Variants in HDAC11 observed in about 807,000 individuals in gnomAD.
HDAC11 encodes histone deacetylase 11.
In HDAC11, 23 loss-of-function variants were observed where a neutral mutation model predicts 41.1. The ratio of observed to expected loss-of-function variants is 0.56; its 90% CI spans 0.40 to 0.79. The LOEUF (loss-of-function observed/expected upper bound fraction) is 0.79. HDAC11 is among the 30% of genes least tolerant of loss of function. The probability of loss-of-function intolerance (pLI) is 0.00; values close to 1 mark genes in which losing one functional copy is unlikely to be tolerated. For missense variants in HDAC11, 402 were observed against 477.3 expected (o/e 0.84, Z 1.47); for synonymous variants, 187 against 186.6 (o/e 1.00, Z -0.02).
In HDAC11 at chr3:13,481,839, G is replaced by A. The variant is rs994198335; in HGVS notation, c.151+445G>A. ...CAGTCCAGTCCTCACAGCAGCCCTCGGGGTAGGCACCACAATCGCAGCAGA... is the reference window on the plus strand; with the variant it reads ...CAGTCCAGTCCTCACAGCAGCCCTCAGGGTAGGCACCACAATCGCAGCAGA... On this transcript the variant is annotated intron_variant, in intron 2 of 9. Transcript: ENST00000295757. Among the ~76,000 whole-genome samples, 45 of 152,290 alleles carry A rather than the reference G, an allele frequency of 3.0e-4. 1 individual carries two copies. In the Middle Eastern group the frequency reaches 0.01, roughly 35 times the overall value.
In HDAC11 at chr3:13,480,629, G is replaced by A; in HGVS notation, c.2+280G>A. The A allele has an allele frequency of 2.5e-6, 1 of 403,070 alleles. No individual in the cohort carries two copies. Among genetic ancestry groups the A allele is most frequent in the Non-Finnish European group, 5.0e-6 (1 of 201,396 alleles). The allele number at this position is 403,070 out of a possible 1,614,324, so 25.0% of individuals were successfully genotyped here. A position where few individuals can be genotyped will look rare whatever the true frequency, so the allele number is the denominator to read the frequency against. On this transcript the variant is annotated intron_variant, in intron 1 of 9. Coordinates refer to ENST00000295757, the MANE Select transcript of HDAC11 (RefSeq NM_024827.4). The surrounding 1 kb of genome is among the most constrained non-coding windows in gnomAD (Gnocchi z 4.6). ...TGTGCGCGGGTCTGACGTCTGCGCT[G>A]CCCAGCCCCCTGGCTACGCGGACGC...
At chr3:13,503,065 C>A in intron 8 of HDAC11, 85 bp downstream of exon 8, 2 of 979,062 alleles carry the variant, frequency 2.0e-6, no homozygotes, top group Non-Finnish European at 3.2e-6. Flanking sequence ...CTAGGCCCTG[C>A]AGAAGCCACT....
chr3:13,484,681 C>G (rs557077794), intron 3 of HDAC11, among the ~76,000 whole-genome samples: 6 of 152,322 alleles, frequency 3.9e-5, no homozygotes, highest in Non-Finnish European at 7.3e-5. Flanking sequence ...GGTGAGCCAC[C>G]ACACCCGGCC....
Position 13,496,863 on chromosome 3 carries a change from T to TGGGGG in HDAC11, c.369+14_369+18dup. ...GGAGGAACCATAATGGTAGGTGGGGTGGGGGGGCATGGCTGGGCTGGGGGC... is the reference window on the plus strand; with the variant it reads ...GGAGGAACCATAATGGTAGGTGGGGTGGGGGGGGGGGGCATGGCTGGGCTGGGGGC... On this transcript the variant is annotated intron_variant, in intron 4 of 9. Transcript: ENST00000295757. The TGGGGG allele has an allele frequency of 1.6e-5, 17 of 1,079,902 alleles. No individual in the cohort carries two copies. The highest frequency in any genetic ancestry group is 2.3e-5 in the Non-Finnish European group (17 of 736,076). The allele number at this position is 1,079,902 out of a possible 1,614,324, so 66.9% of individuals were successfully genotyped here. A position where few individuals can be genotyped will look rare whatever the true frequency, so the allele number is the denominator to read the frequency against.
In HDAC11 at chr3:13,497,327, C is replaced by T. The variant is rs142229236; in HGVS notation, c.369+475C>T. Among the ~76,000 whole-genome samples the T allele has an allele frequency of 9.1e-3, 1,380 of 152,044 alleles. 8 individuals carry two copies. The highest frequency in any genetic ancestry group is 0.02 in the Middle Eastern group (6 of 294). ...CTGAGTAGCTGGGACTACAGGTGTT[C>T]GCCACCATGCCTGGCTAATTTTTGT... On this transcript the variant is annotated intron_variant, in intron 4 of 9. Transcript: ENST00000295757.
In HDAC11 at chr3:13,496,862, G is replaced by T. The variant is rs748508242; in HGVS notation, c.369+10G>T. ...AGGAGGAACCATAATGGTAGGTGGG[G>T]TGGGGGGGCATGGCTGGGCTGGGGG... On this transcript the variant is annotated intron_variant, in intron 4 of 9. Coordinates refer to ENST00000295757, the MANE Select transcript of HDAC11 (RefSeq NM_024827.4). 6 of 1,488,764 alleles carry T rather than the reference G, an allele frequency of 4.0e-6. No individual in the cohort carries two copies. The highest frequency in any genetic ancestry group is 5.5e-6 in the Non-Finnish European group (6 of 1,088,974). The allele number at this position is 1,488,764 out of a possible 1,614,324, so 92.2% of individuals were successfully genotyped here.
At position 13,481,838 on chromosome 3, in the gene HDAC11, C is replaced by T. The variant is rs2597510; in HGVS notation, c.151+444C>T. ...CCAGTCCAGTCCTCACAGCAGCCCT[C>T]GGGGTAGGCACCACAATCGCAGCAG... On this transcript the variant is annotated intron_variant, in intron 2 of 9. Coordinates refer to ENST00000295757, the MANE Select transcript of HDAC11 (RefSeq NM_024827.4). Among the ~76,000 whole-genome samples, 24 of 152,088 alleles carry T rather than the reference C, an allele frequency of 1.6e-4. No homozygotes were observed. In the South Asian group the frequency reaches 4.1e-3, roughly 26 times the overall value.
chr3:13,503,284 G>A (rs1702458509), intron 8 of HDAC11: 1 of 243,480 alleles, frequency 4.1e-6, no homozygotes, highest in African/African-American at 2.3e-5. Context: ...ATTCACATAG[G>A]CTGGGCGCGG....
chr3:13,504,673 C>T lies in HDAC11; in HGVS notation c.1034C>T (p.Ala345Val). 6.2e-7 allele frequency: 1 copy of T among 1,613,604 alleles called. No homozygotes were observed. The highest frequency in any genetic ancestry group is 8.5e-7 in the Non-Finnish European group (1 of 1,179,860). ...TCAGACACACCGCTGCTTCCCCCTG[C>T]AGTGCCCTGACCCTTGCTGCCCTGC... Reference protein sequence around the residue: ...QNSDTPLLPPAVP With the variant: ...QNSDTPLLPPVVP The change falls in exon 10 of 10, where the codon GCA becomes GTA. Residue 345 changes from alanine (A) to valine (V), a missense_variant. By Grantham distance (64) the Ala-to-Val change is moderately conservative. Coordinates refer to ENST00000295757, the MANE Select transcript of HDAC11 (RefSeq NM_024827.4).
intron 7 of HDAC11, 21 bp downstream of exon 7, chr3:13,501,954 G>A (rs753494269): frequency 1.2e-5 from 20 of 1,605,234 alleles, no homozygotes; most frequent in Non-Finnish European, 1.6e-5. Flanking sequence ...TGCAGGGGCT[G>A]GACTCTTAGG....
At position 13,496,807 on chromosome 3, in the gene HDAC11, G is replaced by C. The variant is rs746054022; in HGVS notation, c.324G>C (p.Arg108Ser). The C allele has an allele frequency of 1.3e-6, 2 of 1,575,846 alleles. No individual in the cohort carries two copies. The highest frequency in any genetic ancestry group is 3.4e-5 in the Admixed American group (2 of 58,072). Residue 108 changes from arginine to serine, a missense_variant, in exon 4 of 10, where the codon AGG (arginine) becomes AGC (serine). By Grantham distance (110) the Arg-to-Ser change is moderately radical. Transcript: ENST00000295757. ...TCCTCCCCAACTTCCTTGTGCAGAG[G>C]AAGGTGCTGAGGCCCCTTCGGACCC... is the stretch of plus-strand genomic sequence containing the variant. Reference protein sequence around the residue: ...VIFLPNFLVQRKVLRPLRTQT... With the variant: ...VIFLPNFLVQSKVLRPLRTQT...
In HDAC11 at chr3:13,483,581, C is replaced by G; in HGVS notation, c.252+17C>G. The stretch of plus-strand genomic sequence containing the variant: ...GAGCTCAAGGTACAGGATGTCGGGC[C>G]TGGGGGGCTGCGGGCCTGGGGCAGG... On this transcript the variant is annotated intron_variant, in intron 3 of 9. Coordinates refer to ENST00000295757, the MANE Select transcript of HDAC11 (RefSeq NM_024827.4). 1 of 1,518,736 alleles carries G rather than the reference C, an allele frequency of 6.6e-7. No homozygotes were observed. The highest frequency in any genetic ancestry group is 9.1e-7 in the Non-Finnish European group (1 of 1,104,698). The allele number at this position is 1,518,736 out of a possible 1,614,324, so 94.1% of individuals were successfully genotyped here.
intron 1 of HDAC11, 159 bp from the exon 2 acceptor site, chr3:13,481,087 C>A: frequency 1.4e-6 from 1 of 735,646 alleles, no homozygotes; most frequent in African/African-American, 1.8e-5. Flanking sequence ...CCGGGAAAGG[C>A]AGCCAGTTTA....
At position 13,502,796 on chromosome 3, in the gene HDAC11, G is replaced by C; in HGVS notation, c.553-88G>C. 3 of 959,728 alleles carry C rather than the reference G, an allele frequency of 3.1e-6. No homozygotes were observed. The highest frequency in any genetic ancestry group is 5.0e-6 in the Non-Finnish European group (3 of 604,322). 59.5% of individuals were successfully genotyped at this position (959,728 alleles called of 1,614,324 possible). A position where few individuals can be genotyped will look rare whatever the true frequency, so the allele number is the denominator to read the frequency against. Reference sequence around the variant, plus strand: ...GCAGGCCGTGCTGCCCTGGCAAATGGGGAGTTTCCTGAGGGGTGGGTGGGT... The same window carrying C: ...GCAGGCCGTGCTGCCCTGGCAAATGCGGAGTTTCCTGAGGGGTGGGTGGGT... On this transcript the variant is annotated intron_variant, in intron 7 of 9. Coordinates refer to ENST00000295757, the MANE Select transcript of HDAC11 (RefSeq NM_024827.4). The surrounding 1 kb of genome is among the most constrained non-coding windows in gnomAD (Gnocchi z 4.1).
intron 2 of HDAC11, among the ~76,000 whole-genome samples, chr3:13,482,222 A>G (rs1195544945): frequency 1.3e-5 from 2 of 152,252 alleles, no homozygotes; most frequent in Non-Finnish European, 2.9e-5. Flanking sequence ...GTTTGTAATC[A>G]AGGGGCCTGA....
In HDAC11 at chr3:13,486,569, G is replaced by T. The variant is rs556959394; in HGVS notation, c.252+3005G>T. Among the ~76,000 whole-genome samples the T allele has an allele frequency of 7.9e-4, 97 of 123,552 alleles. No individual in the cohort carries two copies. The South Asian group carries it at 9.9e-3, about 13-fold the overall frequency. The allele number at this position is 123,552 out of a possible 152,430, so 81.1% of individuals were successfully genotyped here. A position where few individuals can be genotyped will look rare whatever the true frequency, so the allele number is the denominator to read the frequency against. ...AGGAGCAGGTGATACTCATGTAGAG[G>T]TGTTTTTTTTTTTTTTTTTTTTTTT... On this transcript the variant is annotated intron_variant, in intron 3 of 9. Coordinates refer to ENST00000295757, the MANE Select transcript of HDAC11 (RefSeq NM_024827.4).
intron 9 of HDAC11, 26 bp from the exon 10 acceptor site, chr3:13,504,442 G>A (rs768088703): frequency 5.0e-6 from 8 of 1,611,772 alleles, no homozygotes; most frequent in Non-Finnish European, 5.1e-6. Context: ...TGGCCTGCCT[G>A]AGTCACCCTC....
chr3:13,480,556 A>T lies in HDAC11; in HGVS notation c.2+207A>T. ...GCGCCCCTGCTCGGTGGCCCGAGGGACGCGCGCCGGCCGCGGGCCTGGGCC... is the reference window on the plus strand; with the variant it reads ...GCGCCCCTGCTCGGTGGCCCGAGGGTCGCGCGCCGGCCGCGGGCCTGGGCC... On this transcript the variant is annotated intron_variant, in intron 1 of 9. Coordinates refer to ENST00000295757, the MANE Select transcript of HDAC11 (RefSeq NM_024827.4). The surrounding 1 kb of genome is among the most constrained non-coding windows in gnomAD (Gnocchi z 4.6). 3.2e-6 allele frequency: 1 copy of T among 310,140 alleles called. No homozygotes were observed. The highest frequency in any genetic ancestry group is 5.8e-5 in the East Asian group (1 of 17,110). 19.2% of individuals were successfully genotyped at this position (310,140 alleles called of 1,614,324 possible). A position where few individuals can be genotyped will look rare whatever the true frequency, so the allele number is the denominator to read the frequency against.
intron 2 of HDAC11, 22 bp downstream of exon 2, chr3:13,481,416 C>G (rs761957774): frequency 6.2e-7 from 1 of 1,612,214 alleles, no homozygotes; most frequent in South Asian, 1.1e-5. Context: ...CCCCCTTGGA[C>G]TCTCATCTGC....
Sources: allele counts gnomAD v4.1 joint callset (sites outside exome capture counted in the v4.1 genomes callset), GRCh38; gene constraint gnomAD v4.1.1; non-coding constraint Gnocchi (gnomAD v3.1); transcripts MANE v1.5; gene names NCBI Gene and HGNC (gene_info 2026-07-23, HGNC 2026-07-21).